ZNF385B: variants seen among roughly 807,000 people sequenced by gnomAD.
ZNF385B encodes the protein zinc finger protein 533.
Under a neutral mutation model 39.2 loss-of-function variants are expected in ZNF385B, and 23 were observed. The ratio of observed to expected loss-of-function variants is 0.59; its 90% CI spans 0.42 to 0.83. The LOEUF is 0.83. ZNF385B is among the 40% of genes least tolerant of loss of function. ZNF385B has a pLI of 0.00. For missense variants in ZNF385B, 552 were observed against 598.9 expected, an observed-to-expected ratio of 0.92 and a Z score of 0.82; for synonymous variants, 205 against 222.6, an observed-to-expected ratio of 0.92 and a Z score of 0.70.
At chr2:179,857,089 A>C (rs991412183) in intron 1 of ZNF385B, among the ~76,000 whole-genome samples, 1 of 152,108 alleles carries the variant, frequency 6.6e-6, no homozygotes, top group Non-Finnish European at 1.5e-5. Flanking sequence ...CTGCATTTTA[A>C]TAAGATTTTC....
chr2:179,838,374 G>A (rs1287617508), intron 1 of ZNF385B, among the ~76,000 whole-genome samples: 1 of 152,188 alleles, frequency 6.6e-6, no homozygotes, highest in Non-Finnish European at 1.5e-5. Context: ...AAGAAAGCCT[G>A]CACAGCAAAT....
chr2:179,772,765 G>T (rs1704085434), intron 1 of ZNF385B, among the ~76,000 whole-genome samples: 1 of 152,186 alleles, frequency 6.6e-6, no homozygotes, highest in African/African-American at 2.4e-5. Flanking sequence ...TTAATTACAT[G>T]TTTCACTTGA....
At chr2:179,700,179 A>G (rs753592252) in intron 3 of ZNF385B, among the ~76,000 whole-genome samples, 22 of 152,164 alleles carry the variant, frequency 1.4e-4, no homozygotes, top group African/African-American at 5.3e-4. Context: ...AAGGGAGCAT[A>G]TATCTATCTG....
At chr2:179,848,453 C>G (rs549979716) in intron 1 of ZNF385B, among the ~76,000 whole-genome samples, 1 of 152,322 alleles carries the variant, frequency 6.6e-6, no homozygotes, top group African/African-American at 2.4e-5. Flanking sequence ...AATGCTACTA[C>G]TCGGTATGTG....
intron 1 of ZNF385B, among the ~76,000 whole-genome samples, chr2:179,796,487 A>C (rs1308187327): frequency 6.6e-6 from 1 of 152,148 alleles, no homozygotes; most frequent in African/African-American, 2.4e-5. Flanking sequence ...ATTTGAATAC[A>C]CTATACTAAG....
At chr2:179,487,793 A>C (rs554560140) in intron 5 of ZNF385B, among the ~76,000 whole-genome samples, 2 of 152,322 alleles carry the variant, frequency 1.3e-5, no homozygotes, top group East Asian at 3.9e-4. Context: ...ACCTCTTCAC[A>C]AGAATTGCCA....
At chr2:179,825,586 T>A (rs1471682515) in intron 1 of ZNF385B, among the ~76,000 whole-genome samples, 1 of 152,148 alleles carries the variant, frequency 6.6e-6, no homozygotes, top group Non-Finnish European at 1.5e-5. Context: ...TTTCCCAAAT[T>A]ACTTGTAAGG....
intron 6 of ZNF385B, among the ~76,000 whole-genome samples, chr2:179,455,879 C>CAA (rs58336646): frequency 1.0e-4 from 13 of 123,882 alleles, no homozygotes; most frequent in Admixed American, 1.7e-4. Context: ...GACTGCATCT[C>CAA]AAAAAAAAAA....
intron 2 of ZNF385B, 133 bp downstream of exon 2, chr2:179,770,388 G>A (rs1703946780): frequency 6.5e-6 from 1 of 152,752 alleles, no homozygotes. Context: ...CATGAATCTG[G>A]AATTGTGAAA....
At chr2:179,700,969 T>G (rs990811151) in intron 3 of ZNF385B, among the ~76,000 whole-genome samples, 1 of 152,136 alleles carries the variant, frequency 6.6e-6, no homozygotes, top group Non-Finnish European at 1.5e-5. Context: ...GCCGAGATCG[T>G]GCCACTGCAC....
At chr2:179,810,596 C>T (rs941949588) in intron 1 of ZNF385B, among the ~76,000 whole-genome samples, 1 of 151,928 alleles carries the variant, frequency 6.6e-6, no homozygotes, top group Admixed American at 6.6e-5. Context: ...ACATTGTCAT[C>T]ATCATCATCA....
At chr2:179,792,809 A>AGAAGG (rs565709149) in intron 1 of ZNF385B, among the ~76,000 whole-genome samples, 161 of 152,326 alleles carry the variant, frequency 1.1e-3, no homozygotes, top group Admixed American at 4.5e-3. Context: ...AAAGAGAAAA[A>AGAAGG]GAAGGGAAGG....
chr2:179,697,239 A>G (rs1005756454), intron 3 of ZNF385B, among the ~76,000 whole-genome samples: 1 of 152,130 alleles, frequency 6.6e-6, no homozygotes, highest in African/African-American at 2.4e-5. Context: ...TTGTGTTCCC[A>G]CCCAAACCTC....
chr2:179,544,001 G>A (rs573800778), intron 4 of ZNF385B, among the ~76,000 whole-genome samples: 1 of 152,278 alleles, frequency 6.6e-6, no homozygotes, highest in Non-Finnish European at 1.5e-5. Flanking sequence ...TATCATTAAT[G>A]TAGACTGTCA....
chr2:179,595,999 T>C (rs975101023), intron 3 of ZNF385B, among the ~76,000 whole-genome samples: 16 of 152,204 alleles, frequency 1.1e-4, no homozygotes, highest in African/African-American at 3.9e-4. Context: ...TGGGTATATA[T>C]AAAAATTTCA....
At chr2:179,538,716 A>C (rs2059736587) in intron 4 of ZNF385B, among the ~76,000 whole-genome samples, 1 of 152,212 alleles carries the variant, frequency 6.6e-6, no homozygotes, top group African/African-American at 2.4e-5. Flanking sequence ...GTCTCAGGAA[A>C]AAAATAATTT....
intron 3 of ZNF385B, among the ~76,000 whole-genome samples, chr2:179,590,050 T>G (rs987716291): frequency 6.6e-6 from 1 of 152,220 alleles, no homozygotes; most frequent in Non-Finnish European, 1.5e-5. Flanking sequence ...TCTCTGCTAT[T>G]GTGTGGGGTC....
chr2:179,477,138 T>C (rs1034058450), intron 6 of ZNF385B, among the ~76,000 whole-genome samples: 2 of 152,148 alleles, frequency 1.3e-5, no homozygotes, highest in Non-Finnish European at 2.9e-5. Flanking sequence ...AAATTGTCAA[T>C]TGGAAAACTT....
intron 3 of ZNF385B, among the ~76,000 whole-genome samples, chr2:179,719,218 G>T (rs1490342853): frequency 6.6e-6 from 1 of 152,018 alleles, no homozygotes; most frequent in African/African-American, 2.4e-5. Flanking sequence ...AACATCCATT[G>T]TTTTCTGGCT....
Sources: allele counts gnomAD v4.1 joint callset (sites outside exome capture counted in the v4.1 genomes callset), GRCh38; gene constraint gnomAD v4.1.1; transcripts MANE v1.5; gene names NCBI Gene and HGNC (gene_info 2026-07-23, HGNC 2026-07-21).